Variants in C12orf50 observed in about 807,000 individuals in gnomAD.
C12orf50 encodes zinc finger CCCH-type containing 11D.
C12orf50 carries 35 observed loss-of-function variants against 61.6 expected under a neutral mutation model. The ratio of observed to expected loss-of-function variants is 0.57; its 90% CI spans 0.43 to 0.75. The LOEUF is 0.75. C12orf50 is among the 30% of genes least tolerant of loss of function. C12orf50 has a pLI of 0.00. For missense variants in C12orf50, 475 were observed against 488.5 expected (o/e 0.97, Z 0.26); for synonymous variants, 178 against 161.5 (o/e 1.10, Z -0.77).
At chr12:87,984,807 T>C (rs920845902) in intron 11 of C12orf50, 1 of 152,150 alleles carries the variant, frequency 6.6e-6, no homozygotes, top group Non-Finnish European at 1.5e-5. Context: ...CACACAAACC[T>C]AGACATTGGC....
intron 7 of C12orf50, among the ~76,000 whole-genome samples, 187 bp downstream of exon 7, chr12:87,994,446 C>A (rs1402397104): frequency 6.6e-6 from 1 of 151,998 alleles, no homozygotes; most frequent in East Asian, 1.9e-4. Flanking sequence ...ACACTGAACA[C>A]AAATTCGCAC....
intron 3 of C12orf50, among the ~76,000 whole-genome samples, chr12:88,007,285 A>G (rs1472852775): frequency 6.6e-6 from 1 of 152,176 alleles, no homozygotes; most frequent in Non-Finnish European, 1.5e-5. Context: ...TCCTCATCTT[A>G]TTTAAGTTTA....
intron 11 of C12orf50, 93 bp downstream of exon 11, chr12:87,985,757 G>T: frequency 1.6e-6 from 2 of 1,231,718 alleles, no homozygotes; most frequent in African/African-American, 1.5e-5. Context: ...GAAGAGGGGA[G>T]TAAGTAGTAG....
intron 6 of C12orf50, 74 bp downstream of exon 6, chr12:87,996,300 A>C: frequency 9.8e-7 from 1 of 1,017,882 alleles, no homozygotes; most frequent in Non-Finnish European, 1.5e-6. Context: ...TCTGTACATC[A>C]TACTAAATAA....
intron 3 of C12orf50, among the ~76,000 whole-genome samples, chr12:87,998,565 T>C (rs1473697879): frequency 6.6e-6 from 1 of 152,168 alleles, no homozygotes; most frequent in Non-Finnish European, 1.5e-5. Context: ...ATATCCTTGT[T>C]TATGGACTGA....
upstream of C12orf50, among the ~76,000 whole-genome samples, chr12:88,029,960 T>A (rs2032834840): frequency 6.6e-6 from 1 of 152,204 alleles, no homozygotes; most frequent in Non-Finnish European, 1.5e-5. Context: ...GCTTGAAGGC[T>A]TTGAGAATTT....
intron 3 of C12orf50, among the ~76,000 whole-genome samples, chr12:88,007,535 C>T (rs2031931394): frequency 6.6e-6 from 1 of 152,188 alleles, no homozygotes; most frequent in Non-Finnish European, 1.5e-5. Flanking sequence ...TGCCTCGTTA[C>T]TGTGCCCTCT....
chr12:88,020,050 C>T (rs138480919), intron 3 of C12orf50, among the ~76,000 whole-genome samples: 57 of 152,224 alleles, frequency 3.7e-4, no homozygotes, highest in Non-Finnish European at 6.5e-4. Context: ...ACACTAAATA[C>T]GGAAAGGAAA....
chr12:87,995,796 G>A (rs373861641), intron 6 of C12orf50, among the ~76,000 whole-genome samples: 1 of 152,008 alleles, frequency 6.6e-6, no homozygotes, highest in South Asian at 2.1e-4. Flanking sequence ...GCCACCTATC[G>A]CCACGTTTGA....
In C12orf50 at chr12:87,986,073, G is replaced by T. The variant is rs375986894; in HGVS notation, c.923-20C>A. Reference sequence around the variant, plus strand: ...GTACTGCTGTAAAGAAAGGTGGGAGGGAGTGAGGAATAAAACAGGCTGGTT... The same window carrying T: ...GTACTGCTGTAAAGAAAGGTGGGAGTGAGTGAGGAATAAAACAGGCTGGTT... On this transcript the variant is annotated intron_variant, in intron 10 of 12. Coordinates refer to ENST00000298699, the MANE Select transcript of C12orf50 (RefSeq NM_152589.3). 1 of 1,607,738 alleles carries T rather than the reference G, an allele frequency of 6.2e-7. No homozygotes were observed. Among genetic ancestry groups the T allele is most frequent in the Non-Finnish European group, 8.5e-7 (1 of 1,174,526 alleles).
intron 12 of C12orf50, among the ~76,000 whole-genome samples, 189 bp from the exon 13 acceptor site, chr12:87,980,545 A>C (rs748437907): frequency 6.6e-6 from 1 of 152,108 alleles, no homozygotes; most frequent in African/African-American, 2.4e-5. Flanking sequence ...TATGTTTTGC[A>C]TTTGGATGGA....
chr12:88,018,873 C>A (rs2032409878), intron 3 of C12orf50, among the ~76,000 whole-genome samples: 1 of 152,204 alleles, frequency 6.6e-6, no homozygotes, highest in Non-Finnish European at 1.5e-5. Flanking sequence ...TGTACCTACC[C>A]AATGCCTGTA....
intron 1 of C12orf50, among the ~76,000 whole-genome samples, chr12:88,028,605 A>C (rs541671324): frequency 6.6e-6 from 1 of 152,100 alleles, no homozygotes; most frequent in Non-Finnish European, 1.5e-5. Flanking sequence ...GACAGAGGAA[A>C]ATTCAGTAAT....
rs548145421 is a variant in C12orf50 at position 88,010,451 on chromosome 12, A to C, written c.134-12261T>G. 2.3e-5 allele frequency among the ~76,000 whole-genome samples: 3 copies of C among 132,790 alleles called. No homozygotes were observed. The East Asian group carries it at 5.9e-4, about 26-fold the overall frequency. The allele number at this position is 132,790 out of a possible 152,430, so 87.1% of individuals were successfully genotyped here. A position where few individuals can be genotyped will look rare whatever the true frequency, so the allele number is the denominator to read the frequency against. On this transcript the variant is annotated intron_variant, in intron 3 of 12. Coordinates refer to ENST00000298699, the MANE Select transcript of C12orf50 (RefSeq NM_152589.3). ...ATTATAATCTTATAATAAGATTATA[A>C]GATTAAAATTATTATAATCTTATAA...
intron 3 of C12orf50, among the ~76,000 whole-genome samples, chr12:88,007,156 C>A (rs2031916399): frequency 6.6e-6 from 1 of 151,956 alleles, no homozygotes; most frequent in Non-Finnish European, 1.5e-5. Context: ...TACAAGTTTG[C>A]CAAATTGTTC....
rs765041965 is a variant in C12orf50 at position 88,020,531 on chromosome 12, C to A, written c.133+5957G>T. On this transcript the variant is annotated intron_variant, in intron 3 of 12. Coordinates refer to ENST00000298699, the MANE Select transcript of C12orf50 (RefSeq NM_152589.3). ...ACATCCAACACAGGAGCACCCAGAT[C>A]CATAAAGCAAGTTCTTAGAGACCTA... Among the ~76,000 whole-genome samples, 4 of 152,120 alleles carry A rather than the reference C, an allele frequency of 2.6e-5. No individual in the cohort carries two copies. In the South Asian group the frequency reaches 8.3e-4, roughly 31 times the overall value.
At position 88,014,993 on chromosome 12, in the gene C12orf50, T is replaced by C. The variant is rs1057212668; in HGVS notation, c.133+11495A>G. Among the ~76,000 whole-genome samples the C allele has an allele frequency of 7.2e-5, 11 of 152,182 alleles. 1 individual carries two copies. On this transcript the variant is annotated intron_variant, in intron 3 of 12. Coordinates refer to ENST00000298699, the MANE Select transcript of C12orf50 (RefSeq NM_152589.3). ...AGAAGTAATATTTGAGTTCCTGCCT[T>C]TATTTTTTTGCATGTTTTGATGCTC...
Position 87,994,738 on chromosome 12 carries a change from T to C in C12orf50, c.487A>G (p.Ser163Gly). The change falls in exon 7 of 13, where the codon AGT (serine) becomes GGT (glycine). Residue 163 changes from serine (S) to glycine (G), a missense_variant. Ser to Gly is a moderately conservative substitution (Grantham distance 56). Transcript: ENST00000298699. ...CTAAGTTTTGTCGGAACTGTAAGACTATCTCCTAGAAATAAGAAGAAAAAA... is the reference window on the plus strand; with the variant it reads ...CTAAGTTTTGTCGGAACTGTAAGACCATCTCCTAGAAATAAGAAGAAAAAA... ...ENGSELQEGD[S>G]LTVPTKLSQY... 1 of 1,601,012 alleles carries C rather than the reference T, an allele frequency of 6.2e-7. No individual in the cohort carries two copies. Among genetic ancestry groups the C allele is most frequent in the South Asian group, 1.1e-5 (1 of 90,190 alleles).
At chr12:87,986,484 T>C in intron 9 of C12orf50, 68 bp from the exon 10 acceptor site, 1 of 1,109,106 alleles carries the variant, frequency 9.0e-7, no homozygotes, top group Non-Finnish European at 1.3e-6. Flanking sequence ...CTGTAGGTGA[T>C]AATTACATAT....
Sources: gnomAD v4.1 joint callset for allele counts (sites outside exome capture counted in the v4.1 genomes callset) on GRCh38, gnomAD v4.1.1 for gene constraint, MANE v1.5 for transcripts, NCBI Gene and HGNC (gene_info 2026-07-23, HGNC 2026-07-21) for gene names.